ANOS1: variants seen among roughly 807,000 people sequenced by gnomAD.
ANOS1 encodes the protein anosmin-1.
ANOS1 carries 6 observed loss-of-function variants against 59.0 expected under a neutral mutation model. The observed-to-expected ratio is 0.10, with a 90% CI of 0.06 to 0.20. The LOEUF (loss-of-function observed/expected upper bound fraction) is 0.20. Among genes scored for constraint, ANOS1 ranks in the 10% least tolerant of loss-of-function variants. The pLI is 1.00. For synonymous variants in ANOS1, 217 were observed against 223.4 expected (o/e 0.97, Z 0.25); for missense variants, 433 against 542.3 (o/e 0.80, Z 2.00).
intron 12 of ANOS1, chrX:8,535,341 G>T: frequency 4.7e-6 from 2 of 424,193 alleles, no homozygotes; most frequent in Non-Finnish European, 8.3e-6. Flanking sequence ...ACAAGATAGG[G>T]TAAGGTCTTT....
intron 4 of ANOS1, among the ~76,000 whole-genome samples, chrX:8,591,482 C>A (rs1362400311): frequency 3.6e-5 from 4 of 111,577 alleles, no homozygotes; most frequent in Non-Finnish European, 1.9e-5. Flanking sequence ...GAAGCCAATC[C>A]AAGCAGCCCA....
chrX:8,620,878 A>G (rs1173128902), intron 3 of ANOS1, among the ~76,000 whole-genome samples: 1 of 112,124 alleles, frequency 8.9e-6, no homozygotes, highest in Non-Finnish European at 1.9e-5. Flanking sequence ...GATTTGGTTC[A>G]GAACACCTCA....
At chrX:8,623,075 G>T (rs749198657) in intron 3 of ANOS1, among the ~76,000 whole-genome samples, 2 of 110,915 alleles carry the variant, frequency 1.8e-5, no homozygotes, top group Admixed American at 1.9e-4. Flanking sequence ...TGGATGGCTT[G>T]CTGGCTGGCT....
intron 2 of ANOS1, among the ~76,000 whole-genome samples, chrX:8,671,736 G>GA (rs1932258842): frequency 9.2e-6 from 1 of 108,720 alleles, no homozygotes; most frequent in African/African-American, 3.3e-5. Context: ...GACCATAAGT[G>GA]AAAAAATTCC....
intron 2 of ANOS1, among the ~76,000 whole-genome samples, chrX:8,665,957 T>C (rs1244587248): frequency 9.0e-6 from 1 of 111,584 alleles, no homozygotes; most frequent in Non-Finnish European, 1.9e-5. Flanking sequence ...ATGCTTGAGC[T>C]TTGGGAGGCT....
At position 8,631,682 on chromosome X, in the gene ANOS1, TAGA is replaced by T. The variant is rs769637266; in HGVS notation, c.256-8015_256-8013del. On this transcript the variant is annotated intron_variant, in intron 2 of 13. Coordinates refer to ENST00000262648, the MANE Select transcript of ANOS1 (RefSeq NM_000216.4). ...CTGAAGATCAGGATGATTGAAGATG[TAGA>T]AGAAGTAGGAAATTATCAATTGATC... 5.4e-5 allele frequency among the ~76,000 whole-genome samples: 6 copies of T among 111,837 alleles called. No homozygotes were observed. The South Asian group carries it at 1.1e-3, about 21-fold the overall frequency.
chrX:8,619,343 C>T (rs1157863775), intron 3 of ANOS1, among the ~76,000 whole-genome samples: 4 of 111,600 alleles, frequency 3.6e-5, no homozygotes, highest in Admixed American at 1.9e-4. Context: ...AGGTGGCTCA[C>T]GCCTGTAATC....
chrX:8,574,909 C>A (rs1390191082), intron 6 of ANOS1, among the ~76,000 whole-genome samples: 1 of 111,473 alleles, frequency 9.0e-6, no homozygotes, highest in Non-Finnish European at 1.9e-5. Flanking sequence ...TATTAGGTAC[C>A]TTGTTTGCTG....
At chrX:8,631,229 G>A (rs934416769) in intron 2 of ANOS1, among the ~76,000 whole-genome samples, 1 of 112,065 alleles carries the variant, frequency 8.9e-6, no homozygotes, top group Non-Finnish European at 1.9e-5. Context: ...AGCTAATGAT[G>A]GCATTTATAA....
intron 1 of ANOS1, among the ~76,000 whole-genome samples, chrX:8,722,574 TACACAC>T (rs774803381): frequency 6.5e-4 from 66 of 102,127 alleles, no homozygotes; most frequent in African/African-American, 1.5e-3. Context: ...ATTATGTGTG[TACACAC>T]ACACACACAC....
At position 8,570,501 on chromosome X, in the gene ANOS1, C is replaced by A. The variant is rs762389434; in HGVS notation, c.1060G>T (p.Gly354Trp). Residue 354 changes from glycine to tryptophan, a missense_variant and splice_region_variant, in exon 7 of 14, where the codon GGG becomes TGG. Physicochemically the swap from Gly to Trp is radical, Grantham distance 184 (BLOSUM62 -2). Coordinates refer to ENST00000262648, the MANE Select transcript of ANOS1 (RefSeq NM_000216.4). ...TKKKRRKTTD[G>W]FQNSVILEKL... ...TCCTTCCTCCAGTTCCCACTCACCC[C>A]ATCCGTAGTCTTTCTCCGCTTCTTC... The A allele has an allele frequency of 8.3e-7, 1 of 1,204,822 alleles. No individual in the cohort carries two copies. Among genetic ancestry groups the A allele is most frequent in the Non-Finnish European group, 1.1e-6 (1 of 889,254 alleles).
chrX:8,535,908 T>C, intron 11 of ANOS1, 97 bp from the exon 12 acceptor site: 1 of 656,949 alleles, frequency 1.5e-6, no homozygotes, highest in Non-Finnish European at 2.5e-6. Context: ...GTCTATGGGA[T>C]GATATTAATA....
At chrX:8,639,676 T>C (rs994555669) in intron 2 of ANOS1, among the ~76,000 whole-genome samples, 1 of 112,431 alleles carries the variant, frequency 8.9e-6, no homozygotes, top group Non-Finnish European at 1.9e-5. Flanking sequence ...GGAAATGTGA[T>C]AGACTAACAT....
At chrX:8,573,032 G>T (rs1239501994) in intron 6 of ANOS1, among the ~76,000 whole-genome samples, 1 of 107,967 alleles carries the variant, frequency 9.3e-6, no homozygotes, top group Non-Finnish European at 1.9e-5. Context: ...GCTTCATTTG[G>T]TGTTCAGGAC....
At chrX:8,570,823 C>G (rs955027900) in intron 6 of ANOS1, 119 bp from the exon 7 acceptor site, 2 of 698,129 alleles carry the variant, frequency 2.9e-6, no homozygotes. Context: ...AAGCTGAAAA[C>G]GGGGGTGGAG....
In ANOS1 at chrX:8,549,482, T is replaced by C. The variant is rs1056609388; in HGVS notation, c.1354+4470A>G. Among the ~76,000 whole-genome samples, 3 of 112,639 alleles carry C rather than the reference T, an allele frequency of 2.7e-5. No homozygotes were observed. The East Asian group carries it at 8.4e-4, about 31-fold the overall frequency. On this transcript the variant is annotated intron_variant, in intron 9 of 13. Coordinates refer to ENST00000262648, the MANE Select transcript of ANOS1 (RefSeq NM_000216.4). Reference sequence around the variant, plus strand: ...GTTTTGTAGCACTTGTATTGCAAATTGGACAATTAAATCATGTCTTAAAGC... The same window carrying C: ...GTTTTGTAGCACTTGTATTGCAAATCGGACAATTAAATCATGTCTTAAAGC...
At chrX:8,612,559 T>G (rs1351228516) in intron 3 of ANOS1, among the ~76,000 whole-genome samples, 1 of 108,915 alleles carries the variant, frequency 9.2e-6, no homozygotes, top group Non-Finnish European at 1.9e-5. Context: ...AAGTTTTTTT[T>G]TTTTTTTTTA....
chrX:8,534,231 T>G, intron 13 of ANOS1, 88 bp downstream of exon 13: 3 of 934,712 alleles, frequency 3.2e-6, no homozygotes, highest in Non-Finnish European at 4.6e-6. Context: ...TGTACTAGTG[T>G]ATTTATTTGT....
chrX:8,715,904 G>A (rs191479211), intron 1 of ANOS1, among the ~76,000 whole-genome samples: 1 of 109,881 alleles, frequency 9.1e-6, no homozygotes, highest in African/African-American at 3.3e-5. Flanking sequence ...TGAATCCCAG[G>A]ATCATCAGCA....
Sources: gnomAD v4.1 joint callset for allele counts (sites outside exome capture counted in the v4.1 genomes callset) on GRCh38, gnomAD v4.1.1 for gene constraint, MANE v1.5 for transcripts, NCBI Gene and HGNC (gene_info 2026-07-23, HGNC 2026-07-21) for gene names.